The following TRIP4 variants were observed in gnomAD, a reference collection of about 807,000 sequenced individuals.
The protein encoded by TRIP4 is activating signal cointegrator 1.
Under a neutral mutation model 81.8 loss-of-function variants are expected in TRIP4, and 54 were observed. That is an observed-to-expected ratio of 0.66 (90% confidence interval 0.53 to 0.83). The LOEUF is 0.83. TRIP4 is among the 40% of genes least tolerant of loss of function. TRIP4 has a pLI of 0.00. For synonymous variants in TRIP4, 270 were observed against 242.8 expected (o/e 1.11, Z -1.04); for missense variants, 662 against 683.6 (o/e 0.97, Z 0.35).
intron 11 of TRIP4, among the ~76,000 whole-genome samples, chr15:64,436,632 AACCCCAGCCC>A (rs1434478794): frequency 6.6e-6 from 1 of 150,770 alleles, no homozygotes; most frequent in African/African-American, 2.4e-5. Context: ...AGTCTTCCCT[AACCCCAGCCC>A]ATTTCCTCCC....
intron 1 of TRIP4, among the ~76,000 whole-genome samples, chr15:64,388,482 A>G (rs1900019028): frequency 6.6e-6 from 1 of 151,936 alleles, no homozygotes; most frequent in Non-Finnish European, 1.5e-5. Flanking sequence ...AATTTTTAAA[A>G]ATTTTTAGTA....
At chr15:64,446,741 G>A (rs539231234) in intron 12 of TRIP4, among the ~76,000 whole-genome samples, 1 of 151,892 alleles carries the variant, frequency 6.6e-6, no homozygotes, top group Admixed American at 6.6e-5. Flanking sequence ...ATTGAGACAG[G>A]GTCTAGCTGG....
rs371652296 is a variant in TRIP4 at position 64,440,234 on chromosome 15, ATAAT to A, written c.1576-4763_1576-4760del. 3.1e-3 allele frequency among the ~76,000 whole-genome samples: 478 copies of A among 151,912 alleles called. 18 individuals carry two copies. In the South Asian group the frequency reaches 0.092, roughly 29 times the overall value. On this transcript the variant is annotated intron_variant, in intron 11 of 12. Coordinates refer to ENST00000261884, the MANE Select transcript of TRIP4 (RefSeq NM_016213.5). ...GGTCACAGAGTGAAATCTCAAAATAATAATTAATTAATAATAAATATAAAATAAA... is the reference window on the plus strand; with the variant it reads ...GGTCACAGAGTGAAATCTCAAAATAATAATTAATAATAAATATAAAATAAA...
At chr15:64,449,816 A>G (rs567979772) in intron 12 of TRIP4, among the ~76,000 whole-genome samples, 3 of 152,344 alleles carry the variant, frequency 2.0e-5, no homozygotes, top group South Asian at 4.1e-4. Flanking sequence ...AACATGCTCT[A>G]TAAACTCATG....
At chr15:64,391,451 G>A (rs1413551120) in intron 1 of TRIP4, among the ~76,000 whole-genome samples, 3 of 151,566 alleles carry the variant, frequency 2.0e-5, no homozygotes, top group East Asian at 3.9e-4. Context: ...CACTGCACCC[G>A]GCCTTAACTT....
At chr15:64,390,745 A>G (rs1389671831) in intron 1 of TRIP4, among the ~76,000 whole-genome samples, 1 of 151,860 alleles carries the variant, frequency 6.6e-6, no homozygotes, top group African/African-American at 2.4e-5. Context: ...ACAAAAAAAA[A>G]TTAGCCAGGT....
At chr15:64,398,573 A>G (rs7174731) in intron 4 of TRIP4, among the ~76,000 whole-genome samples, 127,021 of 152,014 alleles carry the variant, frequency 0.84, 55,329 homozygotes, top group East Asian at 0.96. Flanking sequence ...GCGAGTCCTT[A>G]TCTCAGAAGA....
intron 1 of TRIP4, chr15:64,388,190 C>G (rs555170050): frequency 1.0e-5 from 7 of 688,520 alleles, no homozygotes; most frequent in Non-Finnish European, 1.5e-5. Context: ...TGGGAAGACG[C>G]CCAATCTGTA....
intron 5 of TRIP4, among the ~76,000 whole-genome samples, chr15:64,404,221 A>C (rs904979240): frequency 6.6e-6 from 1 of 152,158 alleles, no homozygotes; most frequent in African/African-American, 2.4e-5. Context: ...ATCTATAGCA[A>C]TATTAGCATT....
intron 8 of TRIP4, 27 bp from the exon 9 acceptor site, chr15:64,418,514 G>T: frequency 1.3e-6 from 2 of 1,591,490 alleles, no homozygotes; most frequent in South Asian, 1.1e-5. Context: ...TTATAAGATA[G>T]AACTGTATGT....
rs961383469 is a variant in TRIP4 at position 64,442,103 on chromosome 15, T to G, written c.1576-2903T>G. Among the ~76,000 whole-genome samples, 5 of 152,172 alleles carry G rather than the reference T, an allele frequency of 3.3e-5. No homozygotes were observed. In the South Asian group the frequency reaches 1.0e-3, roughly 32 times the overall value. On this transcript the variant is annotated intron_variant, in intron 11 of 12. Transcript: ENST00000261884. ...ATGGGGGGCCAGATTGTCTATGGAC[T>G]TGTAGGTCATGGTAAGCAAGGACTT... is the stretch of plus-strand genomic sequence containing the variant.
intron 11 of TRIP4, among the ~76,000 whole-genome samples, chr15:64,429,838 T>C (rs944797500): frequency 6.6e-6 from 1 of 152,216 alleles, no homozygotes; most frequent in African/African-American, 2.4e-5. Flanking sequence ...TGCATTTTCT[T>C]TGAAAACTAA....
intron 3 of TRIP4, 63 bp from the exon 4 acceptor site, chr15:64,397,543 C>T: frequency 6.5e-7 from 1 of 1,541,482 alleles, no homozygotes; most frequent in East Asian, 2.3e-5. Context: ...GGAGCATTTT[C>T]TCCCTTGACT....
intron 2 of TRIP4, 88 bp downstream of exon 2, chr15:64,394,203 T>C: frequency 1.6e-6 from 2 of 1,228,170 alleles, no homozygotes; most frequent in South Asian, 4.0e-5. Context: ...TTTTGCCATC[T>C]TGTGTTTCTT....
At chr15:64,414,252 C>T (rs1226839685) in intron 8 of TRIP4, 41 bp downstream of exon 8, 1 of 1,608,078 alleles carries the variant, frequency 6.2e-7, no homozygotes, top group Admixed American at 1.7e-5. Context: ...AGAAGTTTGG[C>T]CCCAATTTTG....
intron 12 of TRIP4, among the ~76,000 whole-genome samples, chr15:64,450,322 G>A (rs1260234997): frequency 6.7e-6 from 1 of 150,144 alleles, no homozygotes; most frequent in African/African-American, 2.5e-5. Flanking sequence ...CCGGGAGGCG[G>A]AGCTTGCAGT....
chr15:64,426,999 C>T (rs1009077407), intron 11 of TRIP4, among the ~76,000 whole-genome samples: 74 of 148,358 alleles, frequency 5.0e-4, no homozygotes, highest in Non-Finnish European at 1.6e-4. Flanking sequence ...GGCTCTGTCT[C>T]AAAAAAAAGA....
intron 5 of TRIP4, among the ~76,000 whole-genome samples, chr15:64,405,973 C>T (rs539483533): frequency 6.6e-6 from 1 of 152,314 alleles, no homozygotes; most frequent in African/African-American, 2.4e-5. Flanking sequence ...GACTGGGCAA[C>T]AGCATTAGAT....
chr15:64,431,855 TATCCAAAGAGCATTGTG>T (rs1566981720), intron 11 of TRIP4, among the ~76,000 whole-genome samples: 19 of 131,752 alleles, frequency 1.4e-4, no homozygotes, highest in African/African-American at 4.3e-4. Context: ...ATATTTTTTT[TATCCAAAGAGCATTGTG>T]TTTTCTTTTT....
Sources: allele counts gnomAD v4.1 joint callset (sites outside exome capture counted in the v4.1 genomes callset), GRCh38; gene constraint gnomAD v4.1.1; transcripts MANE v1.5; gene names NCBI Gene and HGNC (gene_info 2026-07-23, HGNC 2026-07-21).